ANKRD44: variants seen among roughly 807,000 people sequenced by gnomAD.
ANKRD44 encodes the protein serine/threonine-protein phosphatase 6 regulatory ankyrin repeat subunit B.
Under a neutral mutation model 116.0 loss-of-function variants are expected in ANKRD44, and 35 were observed. The observed-to-expected ratio is 0.30, with a 90% confidence interval of 0.23 to 0.40. The LOEUF (loss-of-function observed/expected upper bound fraction) is 0.40, where lower values mean the gene tolerates loss of function less well. Among genes scored for constraint, ANKRD44 ranks in the 10% least tolerant of loss-of-function variants. The probability of loss-of-function intolerance (pLI) is 1.00; values close to 1 mark genes in which losing one functional copy is unlikely to be tolerated. For missense variants in ANKRD44, 1,014 were observed against 1,242.6 expected (o/e 0.82, Z 2.77); for synonymous variants, 435 against 461.8 (o/e 0.94, Z 0.74).
At chr2:197,007,753 A>C (rs1329311985) in intron 20 of ANKRD44, 53 bp downstream of exon 20, 1 of 1,191,958 alleles carries the variant, frequency 8.4e-7, no homozygotes, top group African/African-American at 1.5e-5. Flanking sequence ...CTAAAAAAGA[A>C]AACAAGCTCA....
chr2:197,238,946 C>A (rs1206896236), intron 1 of ANKRD44, among the ~76,000 whole-genome samples: 1 of 152,116 alleles, frequency 6.6e-6, no homozygotes, highest in African/African-American at 2.4e-5. Flanking sequence ...CTCAGGTGAT[C>A]TGCTCGTCCT....
At chr2:197,262,911 A>C (rs902860119) in intron 1 of ANKRD44, among the ~76,000 whole-genome samples, 1 of 152,188 alleles carries the variant, frequency 6.6e-6, no homozygotes, top group Non-Finnish European at 1.5e-5. Flanking sequence ...TTAAAAAAAC[A>C]AAAACAAAAA....
chr2:197,096,268 T>C (rs1470522838), intron 10 of ANKRD44, among the ~76,000 whole-genome samples: 1 of 152,156 alleles, frequency 6.6e-6, no homozygotes. Context: ...CCTGGCATCA[T>C]AGGTACCACT....
chr2:197,087,104 T>C (rs2077943116), intron 12 of ANKRD44, among the ~76,000 whole-genome samples: 3 of 152,204 alleles, frequency 2.0e-5, no homozygotes, highest in Admixed American at 1.3e-4. Flanking sequence ...AACAACCACT[T>C]AAACCTATAA....
At position 196,988,118 on chromosome 2, in the gene ANKRD44, T is replaced by C. The variant is rs2075860164; in HGVS notation, c.*1473A>G. On this transcript the variant is annotated 3_prime_UTR_variant, in exon 28 of 28. Transcript: ENST00000282272. Reference sequence around the variant, plus strand: ...GCTCCATGGAGATAACGTCTCATGGTGAGTCACTGCTTTGCTGAAATGATT... The same window carrying C: ...GCTCCATGGAGATAACGTCTCATGGCGAGTCACTGCTTTGCTGAAATGATT... The C allele has an allele frequency of 1.0e-6, 1 of 985,374 alleles. No homozygotes were observed. The highest frequency in any genetic ancestry group is 1.2e-6 in the Non-Finnish European group (1 of 829,924). The allele number at this position is 985,374 out of a possible 1,614,324, so 61.0% of individuals were successfully genotyped here.
intron 2 of ANKRD44, chr2:197,147,851 G>A (rs912842367): frequency 6.6e-6 from 3 of 454,968 alleles, no homozygotes; most frequent in African/African-American, 6.0e-5. Context: ...TGAGAATGTT[G>A]ACATTAAGGC....
chr2:197,099,065 T>TAATTCTCAGC (rs1307103267), intron 10 of ANKRD44, among the ~76,000 whole-genome samples: 5 of 152,136 alleles, frequency 3.3e-5, no homozygotes, highest in Admixed American at 6.5e-5. Flanking sequence ...TGTACTCAGA[T>TAATTCTCAGC]AATTCTCAGC....
chr2:197,101,619 G>T (rs1037877590), intron 9 of ANKRD44, among the ~76,000 whole-genome samples: 5 of 152,078 alleles, frequency 3.3e-5, no homozygotes, highest in Non-Finnish European at 5.9e-5. Flanking sequence ...AAAAAAAAAG[G>T]CTTGATTATG....
intron 21 of ANKRD44, among the ~76,000 whole-genome samples, chr2:196,969,935 A>T: frequency 6.6e-6 from 1 of 152,228 alleles, no homozygotes; most frequent in East Asian, 1.9e-4. Flanking sequence ...AACTGAACTT[A>T]GCTTAAAGGT....
chr2:197,114,287 T>A (rs2078658072), intron 8 of ANKRD44, among the ~76,000 whole-genome samples: 1 of 152,200 alleles, frequency 6.6e-6, no homozygotes, highest in South Asian at 2.1e-4. Context: ...ATTTCTAGTC[T>A]CCCTCCAATT....
At chr2:197,160,423 C>G (rs2079930971) in intron 2 of ANKRD44, among the ~76,000 whole-genome samples, 1 of 152,078 alleles carries the variant, frequency 6.6e-6, no homozygotes, top group South Asian at 2.1e-4. Context: ...TATTTGTTTA[C>G]AAGTAGAAGC....
intron 16 of ANKRD44, among the ~76,000 whole-genome samples, chr2:197,052,829 T>C (rs1214842458): frequency 6.6e-6 from 1 of 152,196 alleles, no homozygotes; most frequent in Non-Finnish European, 1.5e-5. Flanking sequence ...TAATCTAAAA[T>C]AATTCTGTCT....
intron 3 of ANKRD44, among the ~76,000 whole-genome samples, chr2:197,138,536 AG>A: frequency 6.6e-6 from 1 of 152,388 alleles, no homozygotes; most frequent in East Asian, 1.9e-4. Flanking sequence ...ACACAGTGTC[AG>A]GTGATGGTCA....
At chr2:197,087,407 G>T (rs757937320) in intron 12 of ANKRD44, among the ~76,000 whole-genome samples, 14 of 152,098 alleles carry the variant, frequency 9.2e-5, no homozygotes, top group Non-Finnish European at 1.8e-4. Flanking sequence ...CCTATTAAAG[G>T]GCATGTAGCT....
At chr2:196,999,622 C>T (rs908701325) in intron 23 of ANKRD44, among the ~76,000 whole-genome samples, 20 of 149,920 alleles carry the variant, frequency 1.3e-4, no homozygotes, top group South Asian at 4.2e-4. Flanking sequence ...GAGATAGAGT[C>T]TCACTCTGTT....
chr2:196,984,467 A>C (rs1199263623), downstream of ANKRD44, among the ~76,000 whole-genome samples: 2 of 152,190 alleles, frequency 1.3e-5, no homozygotes, highest in Non-Finnish European at 2.9e-5. Flanking sequence ...ACTTTTACCC[A>C]CAATGTTTTT....
Position 197,088,729 on chromosome 2 carries a change from T to C in ANKRD44, c.1229A>G (p.His410Arg). 1 of 1,612,192 alleles carries C rather than the reference T, an allele frequency of 6.2e-7. No homozygotes were observed. Among genetic ancestry groups the C allele is most frequent in the South Asian group, 1.1e-5 (1 of 90,712 alleles). The part of the protein sequence containing the change: ...TPDKFGRTCL[H>R]AAAAGGNVEC... Reference sequence around the variant, plus strand: ...TACTCACCCTCCTGCAGCAGCAGCATGAAGGCACGTTCTTCCAAATTTATC... The same window carrying C: ...TACTCACCCTCCTGCAGCAGCAGCACGAAGGCACGTTCTTCCAAATTTATC... Residue 410 changes from histidine to arginine, a missense_variant, in exon 12 of 28, where the codon CAT becomes CGT. Physicochemically the swap from His to Arg is conservative, Grantham distance 29. Transcript: ENST00000282272.
chr2:197,239,419 T>C (rs114969698), intron 1 of ANKRD44, among the ~76,000 whole-genome samples: 6 of 152,206 alleles, frequency 3.9e-5, no homozygotes, highest in African/African-American at 1.4e-4. Flanking sequence ...TTTGTAGACA[T>C]GGGGTTTCAC....
chr2:197,013,413 T>G (rs2076333019), intron 18 of ANKRD44, 98 bp downstream of exon 18: 15 of 1,343,716 alleles, frequency 1.1e-5, no homozygotes, highest in Non-Finnish European at 1.6e-5. Flanking sequence ...AAAATTGATA[T>G]TTAAAAAACT....
Sources: gnomAD v4.1 joint callset for allele counts (sites outside exome capture counted in the v4.1 genomes callset) on GRCh38, gnomAD v4.1.1 for gene constraint, MANE v1.5 for transcripts, NCBI Gene and HGNC (gene_info 2026-07-23, HGNC 2026-07-21) for gene names.